RHOBTB2: variants seen among roughly 807,000 people sequenced by gnomAD.
RHOBTB2 encodes rho-related BTB domain-containing protein 2.
A neutral mutation model predicts 66.5 loss-of-function variants in RHOBTB2; 39 were observed. The observed-to-expected ratio is 0.59, with a 90% CI of 0.45 to 0.77. The LOEUF (loss-of-function observed/expected upper bound fraction) is 0.77, where lower values mean the gene tolerates loss of function less well. Among genes scored for constraint, RHOBTB2 ranks in the 30% least tolerant of loss-of-function variants. The pLI, the probability that RHOBTB2 is intolerant of heterozygous loss-of-function variation, is 0.00. For missense variants in RHOBTB2, 755 were observed against 999.1 expected, an observed-to-expected ratio of 0.76 and a Z score of 3.29; for synonymous variants, 390 against 395.0, an observed-to-expected ratio of 0.99 and a Z score of 0.15.
the RHOBTB2 span, among the ~76,000 whole-genome samples, chr8:22,973,264 C>T: frequency 6.6e-6 from 1 of 152,142 alleles, no homozygotes; most frequent in Non-Finnish European, 1.5e-5. Context: ...GGTCTCACTC[C>T]CTTGCCCAAG....
Position 23,019,385 on chromosome 8 carries a change from G to A in RHOBTB2, c.*1916G>A, listed in dbSNP as rs1811415827. On this transcript the variant is annotated 3_prime_UTR_variant, in exon 10 of 10. Coordinates refer to ENST00000251822, the MANE Select transcript of RHOBTB2 (RefSeq NM_015178.3). ...CCACGGCCTCCAGGGCGGCTGGCTG[G>A]AAAGCCACGCGTATGCTGCCCTCTA... The A allele has an allele frequency of 6.5e-6, 1 of 152,852 alleles. No individual in the cohort carries two copies. Among genetic ancestry groups the A allele is most frequent in the African/African-American group, 2.4e-5 (1 of 41,392 alleles). 9.5% of individuals were successfully genotyped at this position (152,852 alleles called of 1,614,324 possible). A position where few individuals can be genotyped will look rare whatever the true frequency, so the allele number is the denominator to read the frequency against.
chr8:22,988,691 G>A (rs1181174320), intron 1 of RHOBTB2, among the ~76,000 whole-genome samples: 1 of 152,156 alleles, frequency 6.6e-6, no homozygotes, highest in Non-Finnish European at 1.5e-5. Flanking sequence ...ATTCCTTCCA[G>A]GGCAACAGAG....
At chr8:22,953,963 G>A in the RHOBTB2 span, among the ~76,000 whole-genome samples, 9 of 152,190 alleles carry the variant, frequency 5.9e-5, no homozygotes, top group African/African-American at 1.9e-4. Context: ...CTTGTAAATC[G>A]TATCCTATTG....
chr8:22,960,054 G>A, the RHOBTB2 span, among the ~76,000 whole-genome samples: 1 of 148,044 alleles, frequency 6.8e-6, no homozygotes, highest in Non-Finnish European at 1.5e-5. Flanking sequence ...GTTGTGGAGC[G>A]CATCTGTAAT....
intron 2 of RHOBTB2, among the ~76,000 whole-genome samples, chr8:22,993,393 GC>G (rs892549932): frequency 1.3e-5 from 2 of 152,080 alleles, no homozygotes; most frequent in African/African-American, 4.8e-5. Flanking sequence ...TCCACACACG[GC>G]CCAGATGGCA....
chr8:22,997,447 G>A (rs769056994), upstream of RHOBTB2, among the ~76,000 whole-genome samples: 7 of 152,112 alleles, frequency 4.6e-5, no homozygotes, highest in South Asian at 2.1e-4. Context: ...GAGTGTGAGC[G>A]GGGCGGGGCG....
the RHOBTB2 span, among the ~76,000 whole-genome samples, chr8:22,972,722 C>G: frequency 1.3e-5 from 2 of 152,234 alleles, no homozygotes; most frequent in Non-Finnish European, 2.9e-5. Flanking sequence ...CTCAGTAGAT[C>G]TGAAGAGGAG....
In RHOBTB2 at chr8:23,007,266, C is replaced by T; in HGVS notation, c.1021C>T (p.Arg341Ter). The change falls in exon 5 of 10, where the codon CGA (arginine) becomes TGA (stop). Residue 341 changes from arginine to a stop codon, truncating the protein, a stop_gained. Transcript: ENST00000251822. LOFTEE classifies it high-confidence loss of function. ...HHHHGRDFLL[R>*]AASFDVCESV... ...CCACCATGGGCGAGACTTCCTGCTC[C>T]GAGCAGCCAGCTTTGACGTGTGCGA... 3.7e-6 allele frequency: 6 copies of T among 1,613,014 alleles called. No individual in the cohort carries two copies. Among genetic ancestry groups the T allele is most frequent in the Non-Finnish European group, 5.1e-6 (6 of 1,179,970 alleles).
Position 22,999,924 on chromosome 8 carries a change from G to C in RHOBTB2, c.-192G>C. The C allele has an allele frequency of 2.0e-6, 2 of 985,368 alleles. No homozygotes were observed. The highest frequency in any genetic ancestry group is 2.4e-6 in the Non-Finnish European group (2 of 829,916). 61.0% of individuals were successfully genotyped at this position (985,368 alleles called of 1,614,324 possible). A position where few individuals can be genotyped will look rare whatever the true frequency, so the allele number is the denominator to read the frequency against. ...GCCCACGTCCGGCCTGGGCTGCCCTGCCGGAGTTTCTGAGTGGCCGCGAGC... is the reference window on the plus strand; with the variant it reads ...GCCCACGTCCGGCCTGGGCTGCCCTCCCGGAGTTTCTGAGTGGCCGCGAGC... On this transcript the variant is annotated 5_prime_UTR_variant, in exon 1 of 10. Transcript: ENST00000251822.
chr8:23,005,456 C>G lies in RHOBTB2; in HGVS notation c.277C>G (p.Arg93Gly). 1 of 1,613,294 alleles carries G rather than the reference C, an allele frequency of 6.2e-7. No homozygotes were observed. The highest frequency in any genetic ancestry group is 8.5e-7 in the Non-Finnish European group (1 of 1,179,306). Residue 93 changes from arginine to glycine, a missense_variant, in exon 3 of 10, where the codon CGT (arginine) becomes GGT (glycine). Arg to Gly is a moderately radical substitution (Grantham distance 125). This residue lies in a region of RHOBTB2 where 65 missense variants were observed against 152.4 expected (regional missense o/e 0.43). Coordinates refer to ENST00000251822, the MANE Select transcript of RHOBTB2 (RefSeq NM_015178.3). ...CACCTTTGGAGACCACCACAAAGAC[C>G]GTCGCTTTGCTTATGGGAGGTAGGG... ...WDTFGDHHKD[R>G]RFAYGRSDVV...
the RHOBTB2 span, among the ~76,000 whole-genome samples, chr8:22,951,244 C>CTTT: frequency 7.2e-4 from 63 of 87,974 alleles, no homozygotes; most frequent in East Asian, 1.3e-3. Flanking sequence ...CTACTTAGCT[C>CTTT]TTTTTTTTTT....
At chr8:22,989,463 A>C (rs1408190228) in intron 1 of RHOBTB2, among the ~76,000 whole-genome samples, 1 of 151,706 alleles carries the variant, frequency 6.6e-6, no homozygotes, top group African/African-American at 2.4e-5. Flanking sequence ...AACATTCTTA[A>C]CTCCCTACTG....
rs755869952 is a variant in RHOBTB2, at chr8:23,014,654, G to A, written c.1772-36G>A. 28 of 1,587,648 alleles carry A rather than the reference G, an allele frequency of 1.8e-5. No individual in the cohort carries two copies. The African/African-American group carries it at 3.5e-4, about 20-fold the overall frequency. On this transcript the variant is annotated intron_variant, in intron 7 of 9. Transcript: ENST00000251822. ...GGGGCAGGGTGAGCACAGGTCATGT[G>A]CTTCTTCAGCTGATTGGTGGCCGTG... is the stretch of plus-strand genomic sequence containing the variant.
the RHOBTB2 span, among the ~76,000 whole-genome samples, chr8:22,976,846 G>A: frequency 4.6e-5 from 7 of 151,006 alleles, no homozygotes; most frequent in Non-Finnish European, 7.4e-5. Flanking sequence ...GGCTGGTCTC[G>A]AACTCCTGAT....
chr8:22,985,884 C>G (rs1252991055), upstream of RHOBTB2, among the ~76,000 whole-genome samples: 1 of 152,174 alleles, frequency 6.6e-6, no homozygotes, highest in Admixed American at 6.5e-5. Flanking sequence ...CCCTGGCCTA[C>G]CCACCAGTGC....
upstream of RHOBTB2, chr8:22,987,392 C>T: frequency 6.6e-6 from 1 of 152,612 alleles, no homozygotes; most frequent in Non-Finnish European, 1.5e-5. Flanking sequence ...GACCAGCAGG[C>T]CGGCCCCCTG....
the RHOBTB2 span, among the ~76,000 whole-genome samples, chr8:22,963,034 G>C: frequency 1.3e-5 from 2 of 152,220 alleles, no homozygotes; most frequent in African/African-American, 2.4e-5. Flanking sequence ...CAGGACAAAG[G>C]TATGCAGTGC....
In RHOBTB2 at chr8:23,007,091, G is replaced by T; in HGVS notation, c.846G>T (p.Lys282Asn). The part of the protein sequence containing the change: ...LQERVRIFAH[K>N]IYLSTSSSKF... ...AGCGGGTGCGCATCTTTGCCCACAA[G>T]ATCTACCTCTCCACCTCTTCCTCCA... is the stretch of plus-strand genomic sequence containing the variant. Residue 282 changes from lysine (K) to asparagine (N), a missense_variant, in exon 5 of 10, where the codon AAG becomes AAT. Coordinates refer to ENST00000251822, the MANE Select transcript of RHOBTB2 (RefSeq NM_015178.3). 6.2e-7 allele frequency: 1 copy of T among 1,611,078 alleles called. No homozygotes were observed.
chr8:22,994,277 G>A (rs1585181403), intron 2 of RHOBTB2, among the ~76,000 whole-genome samples: 1 of 152,226 alleles, frequency 6.6e-6, no homozygotes, highest in East Asian at 1.9e-4. Flanking sequence ...TTTCCAAATC[G>A]CCAAACCAGC....
Sources: gnomAD v4.1 joint callset for allele counts (sites outside exome capture counted in the v4.1 genomes callset) on GRCh38, gnomAD v4.1.1 for gene constraint, gnomAD v4.1.1 regional missense constraint, MANE v1.5 for transcripts, NCBI Gene and HGNC (gene_info 2026-07-23, HGNC 2026-07-21) for gene names.